The following GPHN variants were observed in gnomAD, a reference collection of about 807,000 sequenced individuals.
GPHN encodes the protein gephyrin.
In GPHN, 17 loss-of-function variants were observed where a neutral mutation model predicts 95.5. The ratio of observed to expected loss-of-function variants is 0.18; its 90% CI spans 0.12 to 0.27. GPHN has a LOEUF of 0.27. Among genes scored for constraint, GPHN ranks in the 10% least tolerant of loss-of-function variants. The pLI is 1.00. For missense variants in GPHN, 660 were observed against 978.1 expected (o/e 0.67, Z 4.34); for synonymous variants, 320 against 322.5 (o/e 0.99, Z 0.08).
At chr14:67,187,896 C>A in the GPHN span, among the ~76,000 whole-genome samples, 2 of 152,168 alleles carry the variant, frequency 1.3e-5, no homozygotes, top group Admixed American at 1.3e-4. Flanking sequence ...TATCTTATCA[C>A]TACATAACAC....
the GPHN span, among the ~76,000 whole-genome samples, chr14:67,731,484 G>A: frequency 6.6e-6 from 1 of 151,674 alleles, no homozygotes; most frequent in African/African-American, 2.4e-5. Context: ...CAAAGTGCTG[G>A]GATTGCAGGC....
intron 10 of GPHN, among the ~76,000 whole-genome samples, chr14:67,050,339 CT>C (rs1323640966): frequency 1.3e-5 from 2 of 152,184 alleles, no homozygotes; most frequent in African/African-American, 4.8e-5. Flanking sequence ...CACTGCTTTA[CT>C]TTTTGCTTCC....
At chr14:67,215,234 C>T in the GPHN span, among the ~76,000 whole-genome samples, 2 of 152,132 alleles carry the variant, frequency 1.3e-5, no homozygotes, top group African/African-American at 4.8e-5. Context: ...GTGGAAAGAA[C>T]TATAGGCTCA....
chr14:66,893,619 G>A (rs982971753), intron 5 of GPHN, among the ~76,000 whole-genome samples: 92 of 152,284 alleles, frequency 6.0e-4, no homozygotes, highest in Middle Eastern at 3.4e-3. Context: ...AAACCCCATC[G>A]TCTCAGCCTA....
chr14:67,376,084 A>G, the GPHN span, among the ~76,000 whole-genome samples: 1 of 152,212 alleles, frequency 6.6e-6, no homozygotes, highest in African/African-American at 2.4e-5. Flanking sequence ...CTCCTCAGGG[A>G]GTAATAATAA....
chr14:67,674,620 CT>C, the GPHN span: 1 of 647,138 alleles, frequency 1.5e-6, no homozygotes. Flanking sequence ...GGACGAGGCT[CT>C]TCCGGAGCCG....
chr14:66,522,045 C>G (rs965458769), intron 1 of GPHN, among the ~76,000 whole-genome samples: 1 of 152,042 alleles, frequency 6.6e-6, no homozygotes, highest in Admixed American at 6.6e-5. Flanking sequence ...CAGATAGTTT[C>G]AAATTGGAAT....
At chr14:67,476,198 G>C in the GPHN span, among the ~76,000 whole-genome samples, 1 of 152,256 alleles carries the variant, frequency 6.6e-6, no homozygotes, top group Non-Finnish European at 1.5e-5. Context: ...CATTTCAGCT[G>C]AAGCAGGCCT....
At chr14:67,116,565 G>T (rs2078709057) in intron 16 of GPHN, among the ~76,000 whole-genome samples, 2 of 151,946 alleles carry the variant, frequency 1.3e-5, no homozygotes, top group African/African-American at 4.8e-5. Context: ...ATCCAAAAAA[G>T]AAAGAAAGAG....
chr14:67,687,591 C>T, the GPHN span, among the ~76,000 whole-genome samples: 2 of 151,308 alleles, frequency 1.3e-5, no homozygotes, highest in Admixed American at 6.6e-5. Flanking sequence ...CCTGCCTCAG[C>T]CTCCTGAGCA....
the GPHN span, among the ~76,000 whole-genome samples, chr14:67,331,319 A>G: frequency 6.6e-6 from 1 of 152,216 alleles, no homozygotes; most frequent in Non-Finnish European, 1.5e-5. Flanking sequence ...TGCTGAGATT[A>G]CAGGCGGGGG....
intron 2 of GPHN, among the ~76,000 whole-genome samples, chr14:66,725,001 G>A (rs1228004179): frequency 1.3e-5 from 2 of 152,120 alleles, no homozygotes; most frequent in African/African-American, 4.8e-5. Flanking sequence ...GTCTTTAGGA[G>A]GTAATTAAGG....
the GPHN span, among the ~76,000 whole-genome samples, chr14:67,373,853 G>A: frequency 2.1e-4 from 32 of 151,718 alleles, no homozygotes; most frequent in Non-Finnish European, 4.0e-4. Flanking sequence ...GTGTGTGTGT[G>A]TGTGTGTGTG....
intron 6 of GPHN, among the ~76,000 whole-genome samples, chr14:66,919,532 C>T (rs1438111879): frequency 6.6e-6 from 1 of 152,160 alleles, no homozygotes; most frequent in African/African-American, 2.4e-5. Context: ...ACAGGCTACT[C>T]TCCCTCCCCA....
chr14:67,150,671 C>A (rs1317366790), intron 18 of GPHN, among the ~76,000 whole-genome samples: 1 of 151,728 alleles, frequency 6.6e-6, no homozygotes, highest in Non-Finnish European at 1.5e-5. Context: ...AAGAACATGG[C>A]TGAGGTTTTT....
chr14:66,689,370 A>G (rs2067620162), intron 2 of GPHN, among the ~76,000 whole-genome samples: 1 of 152,180 alleles, frequency 6.6e-6, no homozygotes, highest in Non-Finnish European at 1.5e-5. Context: ...AAACCATCCC[A>G]TTTATCTCAC....
intron 2 of GPHN, among the ~76,000 whole-genome samples, chr14:66,751,919 G>T (rs1376906283): frequency 2.6e-5 from 4 of 152,076 alleles, no homozygotes; most frequent in Admixed American, 1.3e-4. Context: ...TATCTACATT[G>T]AAATTCTGTT....
the GPHN span, among the ~76,000 whole-genome samples, chr14:67,222,500 T>C: frequency 6.6e-6 from 1 of 152,186 alleles, no homozygotes. Context: ...GGTCTCGAAC[T>C]CCTGATGTCC....
Position 66,750,453 on chromosome 14 carries a change from C to G in GPHN, c.144-26011C>G, listed in dbSNP as rs751602274. 2.0e-5 allele frequency among the ~76,000 whole-genome samples: 3 copies of G among 151,822 alleles called. No individual in the cohort carries two copies. In the East Asian group the frequency reaches 5.8e-4, roughly 29 times the overall value. On this transcript the variant is annotated intron_variant, in intron 2 of 22. Transcript: ENST00000478722. ...TCAGGAAATAAGGAAAGGACCAGGACACCAGTAGTAGCCATGGTCTTAAGG... is the reference window on the plus strand; with the variant it reads ...TCAGGAAATAAGGAAAGGACCAGGAGACCAGTAGTAGCCATGGTCTTAAGG...
Sources: gnomAD v4.1 joint callset for allele counts (sites outside exome capture counted in the v4.1 genomes callset) on GRCh38, gnomAD v4.1.1 for gene constraint, MANE v1.5 for transcripts, NCBI Gene and HGNC (gene_info 2026-07-23, HGNC 2026-07-21) for gene names.